The following SLC2A9 variants were observed in gnomAD, a reference collection of about 807,000 sequenced individuals.
SLC2A9 encodes solute carrier family 2, facilitated glucose transporter member 9.
In SLC2A9, 39 loss-of-function variants were observed where a neutral mutation model predicts 50.6. The observed-to-expected ratio is 0.77, with a 90% CI of 0.60 to 1.01. SLC2A9 has a LOEUF of 1.01. SLC2A9 is among the 50% of genes least tolerant of loss of function. The pLI, the probability that SLC2A9 is intolerant of heterozygous loss-of-function variation, is 0.00. For missense variants in SLC2A9, 686 were observed against 677.6 expected (o/e 1.01, Z -0.14); for synonymous variants, 324 against 276.9 (o/e 1.17, Z -1.69).
At chr4:9,922,328 T>TG (rs1356913064) in intron 6 of SLC2A9, among the ~76,000 whole-genome samples, 2 of 137,284 alleles carry the variant, frequency 1.5e-5, no homozygotes, top group African/African-American at 2.7e-5. Flanking sequence ...GGGGGTGGGG[T>TG]GGGGGGAGGG....
chr4:9,819,832 G>C (rs1202755370), intron 3 of SLC2A9, among the ~76,000 whole-genome samples: 1 of 152,230 alleles, frequency 6.6e-6, no homozygotes, highest in Non-Finnish European at 1.5e-5. Flanking sequence ...TACTTGGGAG[G>C]CTGTGGCAGG....
At chr4:9,980,928 G>T (rs1447932250) in intron 4 of SLC2A9, among the ~76,000 whole-genome samples, 191 bp from the exon 5 acceptor site, 4 of 152,278 alleles carry the variant, frequency 2.6e-5, no homozygotes, top group South Asian at 4.1e-4. Flanking sequence ...CCTAAAGTAT[G>T]ACTGGAGGTG....
chr4:9,857,325 G>A (rs759257618), intron 10 of SLC2A9, among the ~76,000 whole-genome samples: 10 of 152,150 alleles, frequency 6.6e-5, no homozygotes, highest in Non-Finnish European at 1.0e-4. Flanking sequence ...TTCCTGCTTG[G>A]AGGGGGCGCA....
chr4:10,034,465 C>A (rs1404412351), intron 1 of SLC2A9: 1 of 152,370 alleles, frequency 6.6e-6, no homozygotes, highest in African/African-American at 2.4e-5. Flanking sequence ...GTGAGAGGGA[C>A]TGTAGCCAGA....
rs557317882 is a variant in SLC2A9 at position 9,916,942 on chromosome 4, T to G, written c.1002+3443A>C. ...TGCTCTGGTGCTGGAGGCACAGGGT[T>G]GATAAGATGCAGCCTCCATCTCCCA... On this transcript the variant is annotated intron_variant, in intron 7 of 11. Coordinates refer to ENST00000264784, the MANE Select transcript of SLC2A9 (RefSeq NM_020041.3). Among the ~76,000 whole-genome samples the G allele has an allele frequency of 3.3e-5, 5 of 152,306 alleles. No individual in the cohort carries two copies. The South Asian group carries it at 1.0e-3, about 32-fold the overall frequency.
At chr4:9,825,752 C>A (rs1184258556), downstream of SLC2A9, among the ~76,000 whole-genome samples, 3 of 152,184 alleles carry the variant, frequency 2.0e-5, no homozygotes, top group Non-Finnish European at 2.9e-5. Context: ...ATTCCTGGAA[C>A]ACAGTTTGGG....
At chr4:9,959,151 G>C (rs1385473741) in intron 5 of SLC2A9, among the ~76,000 whole-genome samples, 1 of 151,482 alleles carries the variant, frequency 6.6e-6, no homozygotes, top group Non-Finnish European at 1.5e-5. Context: ...TTGGAGATCA[G>C]CCTGGCCAAT....
intron 10 of SLC2A9, among the ~76,000 whole-genome samples, chr4:9,849,996 CGA>C (rs987774529): frequency 1.3e-5 from 2 of 151,896 alleles, no homozygotes; most frequent in African/African-American, 4.8e-5. Flanking sequence ...CATCTCCCAC[CGA>C]GAGACCGGGA....
intron 8 of SLC2A9, among the ~76,000 whole-genome samples, chr4:9,904,459 C>T (rs1339778811): frequency 6.6e-6 from 1 of 152,196 alleles, no homozygotes; most frequent in African/African-American, 2.4e-5. Flanking sequence ...CTTTCACTTA[C>T]AAGGACCCTG....
chr4:10,023,983 C>T (rs1489372665), upstream of SLC2A9, among the ~76,000 whole-genome samples: 3 of 152,224 alleles, frequency 2.0e-5, no homozygotes, highest in East Asian at 3.8e-4. Flanking sequence ...GTTCTGCCTG[C>T]TCTGACACTC....
chr4:9,931,760 G>A (rs181459238), intron 6 of SLC2A9, among the ~76,000 whole-genome samples: 201 of 151,666 alleles, frequency 1.3e-3, no homozygotes, highest in African/African-American at 4.7e-3. Flanking sequence ...CTGGGATGGC[G>A]TGCAAAGATC....
At chr4:9,799,125 TCTTGTTC>T (rs1275397202) in exon 4 of SLC2A9, 3 of 152,150 alleles carry the variant, frequency 2.0e-5, no homozygotes, top group African/African-American at 7.2e-5. Context: ...AAATGGAAGT[TCTTGTTC>T]CTCTCTACAG....
chr4:9,803,859 A>G (rs2108949133), intron 3 of SLC2A9, among the ~76,000 whole-genome samples: 1 of 152,334 alleles, frequency 6.6e-6, no homozygotes, highest in Middle Eastern at 3.4e-3. Flanking sequence ...AATACCTCCT[A>G]TGTGCTAGGG....
At chr4:9,835,134 C>T in intron 10 of SLC2A9, 126 bp from the exon 11 acceptor site, 2 of 1,367,852 alleles carry the variant, frequency 1.5e-6, no homozygotes, top group Non-Finnish European at 2.0e-6. Context: ...TGTAGTGGGC[C>T]CCAGTTCCTG....
chr4:9,900,372 C>T (rs532883471), intron 8 of SLC2A9, among the ~76,000 whole-genome samples: 4 of 152,088 alleles, frequency 2.6e-5, no homozygotes, highest in African/African-American at 9.6e-5. Context: ...GAGCACATCC[C>T]AAGAGTCAGA....
rs756254843 is a variant in SLC2A9, at chr4:9,959,039, A to G, written c.682-16994T>C. Among the ~76,000 whole-genome samples, 6 of 152,288 alleles carry G rather than the reference A, an allele frequency of 3.9e-5. No individual in the cohort carries two copies. The South Asian group carries it at 1.0e-3, about 26-fold the overall frequency. ...CAATATAAATGTTAACCAGTGAACTAATAAAAAATTGTACTATATGTGTAT... is the reference window on the plus strand; with the variant it reads ...CAATATAAATGTTAACCAGTGAACTGATAAAAAATTGTACTATATGTGTAT... On this transcript the variant is annotated intron_variant, in intron 5 of 11. Transcript: ENST00000264784.
chr4:9,956,959 C>T (rs11724510), intron 5 of SLC2A9, among the ~76,000 whole-genome samples: 75,636 of 151,806 alleles, frequency 0.5, 20,651 homozygotes, highest in African/African-American at 0.72. Context: ...AAGTGGCACT[C>T]GGAGCCTCTG....
chr4:9,913,330 T>TGAGA (rs968021703), intron 7 of SLC2A9, among the ~76,000 whole-genome samples: 17,854 of 88,312 alleles, frequency 0.2, 1,379 homozygotes, highest in East Asian at 0.42. Context: ...TGTGTGTGTG[T>TGAGA]GAGAGAGAGA....
intron 4 of SLC2A9, 39 bp downstream of exon 4, chr4:9,985,630 G>A (rs1560438913): frequency 6.2e-7 from 1 of 1,613,396 alleles, no homozygotes; most frequent in Non-Finnish European, 8.5e-7. Context: ...CCCCCAAGGA[G>A]TATGTTACTG....
Sources: allele counts gnomAD v4.1 joint callset (sites outside exome capture counted in the v4.1 genomes callset), GRCh38; gene constraint gnomAD v4.1.1; transcripts MANE v1.5; gene names NCBI Gene and HGNC (gene_info 2026-07-23, HGNC 2026-07-21).